FER1L5: variants seen among roughly 807,000 people sequenced by gnomAD.
FER1L5 encodes the protein fer-1 like family member 5, also known as fer-1-like protein 5.
Under a neutral mutation model 279.9 loss-of-function variants are expected in FER1L5, and 187 were observed. That is an observed-to-expected ratio of 0.67 (90% CI 0.59 to 0.75). The LOEUF (loss-of-function observed/expected upper bound fraction) is 0.75, where lower values mean the gene tolerates loss of function less well. Among genes scored for constraint, FER1L5 ranks in the 30% least tolerant of loss-of-function variants. The probability of loss-of-function intolerance (pLI) is 0.00; values close to 1 mark genes in which losing one functional copy is unlikely to be tolerated. For synonymous variants in FER1L5, 921 were observed against 989.7 expected, an observed-to-expected ratio of 0.93 and a Z score of 1.30; for missense variants, 2,091 against 2,594.4, an observed-to-expected ratio of 0.81 and a Z score of 4.21.
rs1343340286 is a variant in FER1L5 at position 96,660,382 on chromosome 2, C to T, written c.778+11C>T. On this transcript the variant is annotated intron_variant, in intron 10 of 52. Transcript: ENST00000624922. Reference sequence around the variant, plus strand: ...TCTACCATTCTCCAGGTAGGTAATACTTATGGCAAATATGTATGTCTTCTG... The same window carrying T: ...TCTACCATTCTCCAGGTAGGTAATATTTATGGCAAATATGTATGTCTTCTG... The T allele has an allele frequency of 6.4e-7, 1 of 1,551,490 alleles. No homozygotes were observed. Among genetic ancestry groups the T allele is most frequent in the Non-Finnish European group, 8.7e-7 (1 of 1,146,854 alleles).
chr2:96,667,092 A>C (rs988928292), intron 14 of FER1L5, among the ~76,000 whole-genome samples: 11 of 152,140 alleles, frequency 7.2e-5, no homozygotes, highest in Admixed American at 6.6e-4. Context: ...TCTAGGCCTG[A>C]TTCCCCATCT....
At position 96,685,994 on chromosome 2, in the gene FER1L5, G is replaced by T; in HGVS notation, c.1950G>T (p.Lys650Asn). The T allele has an allele frequency of 6.4e-7, 1 of 1,551,306 alleles. No homozygotes were observed. Among genetic ancestry groups the T allele is most frequent in the Non-Finnish European group, 8.7e-7 (1 of 1,146,856 alleles). Residue 650 changes from lysine to asparagine, a missense_variant, in exon 22 of 53, where the codon AAG becomes AAT. Transcript: ENST00000624922. Reference protein sequence around the residue: ...YQPKATSLDRKRWQLRSLLLQ... With the variant: ...YQPKATSLDRNRWQLRSLLLQ... ...CCAAAGCCACCAGCCTGGACAGGAA[G>T]AGGTGGCAGCTCCGCAGCCTCCTCC...
chr2:96,651,441 TTC>T (rs1319853807), intron 6 of FER1L5, among the ~76,000 whole-genome samples: 3 of 147,680 alleles, frequency 2.0e-5, no homozygotes, highest in Non-Finnish European at 4.5e-5. Context: ...CCTCCCTCCC[TTC>T]TTTCTTTCTT....
chr2:96,645,388 G>T (rs934534454), intron 1 of FER1L5, among the ~76,000 whole-genome samples: 1 of 152,134 alleles, frequency 6.6e-6, no homozygotes, highest in East Asian at 1.9e-4. Context: ...GAATCTCATG[G>T]AAATTAAGAA....
At chr2:96,697,423 C>A in intron 37 of FER1L5, 103 bp from the exon 38 acceptor site, 1 of 1,311,336 alleles carries the variant, frequency 7.6e-7, no homozygotes, top group Non-Finnish European at 1.1e-6. Flanking sequence ...AAGGCAAGGG[C>A]AAGGGCACCA....
Position 96,694,330 on chromosome 2 carries a change from G to C in FER1L5, c.3637-30G>C, listed in dbSNP as rs1266052424. 1.3e-6 allele frequency: 2 copies of C among 1,529,542 alleles called. No homozygotes were observed. Among genetic ancestry groups the C allele is most frequent in the South Asian group, 2.5e-5 (2 of 79,984 alleles). The allele number at this position is 1,529,542 out of a possible 1,614,324, so 94.7% of individuals were successfully genotyped here. On this transcript the variant is annotated intron_variant, in intron 33 of 52. Coordinates refer to ENST00000624922, the MANE Select transcript of FER1L5 (RefSeq NM_001293083.2). The surrounding 1 kb of genome is among the most constrained non-coding windows in gnomAD (Gnocchi z 4.6). ...GGGTGAGGGCAGCAGGACCAGCCCA[G>C]AGGGCCTCATGCTCCCTGCCCTCCC...
chr2:96,660,500 T>G, intron 10 of FER1L5, 129 bp downstream of exon 10: 1 of 808,630 alleles, frequency 1.2e-6, no homozygotes, highest in East Asian at 2.7e-5. Context: ...AATTATTTTC[T>G]GTATTTGGTA....
At chr2:96,703,776 C>T in intron 51 of FER1L5, 144 bp downstream of exon 51, 2 of 614,060 alleles carry the variant, frequency 3.3e-6, no homozygotes, top group Non-Finnish European at 5.6e-6. Context: ...AAAGAACAGA[C>T]TTGGGGTGAG....
rs558130029 is a variant in FER1L5, at chr2:96,646,946, G to A, written c.139-118G>A. 23 of 1,040,430 alleles carry A rather than the reference G, an allele frequency of 2.2e-5. No individual in the cohort carries two copies. In the African/African-American group the frequency reaches 3.2e-4, roughly 15 times the overall value. 64.4% of individuals were successfully genotyped at this position (1,040,430 alleles called of 1,614,324 possible). ...CCTGAGGAAATTAGACATGAGGGAG[G>A]TTCCTCAGTCTTAGAGAAATGCAGT... On this transcript the variant is annotated intron_variant, in intron 2 of 52. Coordinates refer to ENST00000624922, the MANE Select transcript of FER1L5 (RefSeq NM_001293083.2).
intron 9 of FER1L5, among the ~76,000 whole-genome samples, chr2:96,659,362 C>CTTCCT (rs2075784306): frequency 9.8e-5 from 6 of 61,286 alleles, no homozygotes; most frequent in East Asian, 8.6e-4. Context: ...TCCTTCCTTC[C>CTTCCT]TTCTTTCTTT....
chr2:96,667,505 A>C (rs184796851), intron 14 of FER1L5, among the ~76,000 whole-genome samples: 286 of 151,708 alleles, frequency 1.9e-3, no homozygotes, highest in Middle Eastern at 3.4e-3. Flanking sequence ...GCGCCACCAC[A>C]CCCGGCTAAT....
intron 20 of FER1L5, 43 bp downstream of exon 20, chr2:96,684,494 G>C: frequency 6.5e-7 from 1 of 1,536,472 alleles, no homozygotes; most frequent in Non-Finnish European, 8.8e-7. Context: ...ACCTGTTTCA[G>C]AGTGTGGCTG....
At chr2:96,659,391 TTCTTTCTTTCTTTCTTTCTTTCTTTC>T (rs2075801768) in intron 9 of FER1L5, among the ~76,000 whole-genome samples, 1 of 12,600 alleles carries the variant, frequency 7.9e-5, no homozygotes, top group Non-Finnish European at 1.5e-4. Context: ...CTTTCTTTCT[TTCTTTCTTTCTTTCTTTCTTTCTTTC>T]TTTCTTTCTT....
intron 9 of FER1L5, among the ~76,000 whole-genome samples, chr2:96,659,654 G>C (rs1033250734): frequency 6.6e-6 from 1 of 150,506 alleles, no homozygotes; most frequent in Admixed American, 6.7e-5. Context: ...ACCACGCCCG[G>C]CTAATTTTTT....
In FER1L5 at chr2:96,704,164, AC is replaced by A; in HGVS notation, c.5802-49del. The A allele has an allele frequency of 1.9e-6, 3 of 1,602,754 alleles. No homozygotes were observed. The African/African-American group carries it at 4.0e-5, about 22-fold the overall frequency. ...AAAGCTCTTTGCATCAGATTACTTGACCTGAAGGTTCTCCCTGCCATTCTCT... is the reference window on the plus strand; with the variant it reads ...AAAGCTCTTTGCATCAGATTACTTGACTGAAGGTTCTCCCTGCCATTCTCT... On this transcript the variant is annotated intron_variant, in intron 51 of 52. Coordinates refer to ENST00000624922, the MANE Select transcript of FER1L5 (RefSeq NM_001293083.2).
intron 19 of FER1L5, among the ~76,000 whole-genome samples, chr2:96,683,834 G>A (rs771834119): frequency 3.9e-5 from 6 of 152,160 alleles, no homozygotes; most frequent in African/African-American, 7.2e-5. Context: ...AATCCTCTAC[G>A]TTTGGTCTCA....
Position 96,687,750 on chromosome 2 carries a change from G to A in FER1L5, c.2230-66G>A, listed in dbSNP as rs1573924404. The A allele has an allele frequency of 1.7e-5, 26 of 1,538,140 alleles. No individual in the cohort carries two copies. The East Asian group carries it at 5.2e-4, about 31-fold the overall frequency. On this transcript the variant is annotated intron_variant, in intron 23 of 52. Coordinates refer to ENST00000624922, the MANE Select transcript of FER1L5 (RefSeq NM_001293083.2). ...GGAAGGGGCAGGTACAGCCCACTTG[G>A]GGGGTGGCCGGGGTGGCGTTCAGGG... is the stretch of plus-strand genomic sequence containing the variant.
At chr2:96,660,648 G>T (rs1461362146) in intron 10 of FER1L5, among the ~76,000 whole-genome samples, 2 of 152,160 alleles carry the variant, frequency 1.3e-5, no homozygotes, top group African/African-American at 4.8e-5. Flanking sequence ...TCTGCCTACT[G>T]GCTTCAAGCA....
chr2:96,643,580 C>T (rs1334176663), intron 1 of FER1L5, among the ~76,000 whole-genome samples: 1 of 152,018 alleles, frequency 6.6e-6, no homozygotes, highest in East Asian at 2.0e-4. Context: ...GAACTCCTGA[C>T]CTCAGGGGAC....
Sources: allele counts gnomAD v4.1 joint callset (sites outside exome capture counted in the v4.1 genomes callset), GRCh38; gene constraint gnomAD v4.1.1; non-coding constraint Gnocchi (gnomAD v3.1); transcripts MANE v1.5; gene names NCBI Gene and HGNC (gene_info 2026-07-23, HGNC 2026-07-21).